The following GRM7 variants were observed in gnomAD, a reference collection of about 807,000 sequenced individuals.
GRM7 encodes glutamate metabotropic receptor 7.
GRM7 carries 35 observed loss-of-function variants against 84.5 expected under a neutral mutation model. The observed-to-expected ratio is 0.41, with a 90% CI of 0.32 to 0.55. GRM7 has a LOEUF of 0.55. GRM7 is among the 20% of genes least tolerant of loss of function. The pLI, the probability that GRM7 is intolerant of heterozygous loss-of-function variation, is 0.19. For synonymous variants in GRM7, 487 were observed against 455.1 expected, an observed-to-expected ratio of 1.07 and a Z score of -0.89; for missense variants, 1,003 against 1,194.6, an observed-to-expected ratio of 0.84 and a Z score of 2.36.
chr3:7,714,178 C>T (rs1701694207), intron 9 of GRM7, among the ~76,000 whole-genome samples: 1 of 152,056 alleles, frequency 6.6e-6, no homozygotes, highest in African/African-American at 2.4e-5. Context: ...TTGGAATTAA[C>T]CTGAAGGCTT....
intron 1 of GRM7, among the ~76,000 whole-genome samples, chr3:6,950,624 C>A (rs1212570013): frequency 6.6e-6 from 1 of 152,200 alleles, no homozygotes; most frequent in African/African-American, 2.4e-5. Context: ...TTATTGCTGT[C>A]TTTTGTTTGT....
At chr3:6,915,908 A>G (rs959615034) in intron 1 of GRM7, among the ~76,000 whole-genome samples, 1 of 152,208 alleles carries the variant, frequency 6.6e-6, no homozygotes, top group African/African-American at 2.4e-5. Context: ...CATGAGCTTC[A>G]GCCTATGTGG....
chr3:7,137,203 T>C (rs2125059030), intron 1 of GRM7, among the ~76,000 whole-genome samples: 5 of 152,256 alleles, frequency 3.3e-5, no homozygotes, highest in Middle Eastern at 6.8e-3. Flanking sequence ...ATTTTAACTA[T>C]TCTTGAAATT....
intron 6 of GRM7, among the ~76,000 whole-genome samples, chr3:7,456,351 T>A (rs920601996): frequency 6.6e-6 from 1 of 152,152 alleles, no homozygotes; most frequent in Non-Finnish European, 1.5e-5. Context: ...CTTATGTTTA[T>A]TAAGTGGTTA....
chr3:7,273,198 G>T (rs1224643128), intron 2 of GRM7, among the ~76,000 whole-genome samples: 1 of 150,850 alleles, frequency 6.6e-6, no homozygotes, highest in Non-Finnish European at 1.5e-5. Context: ...TTCTATTGTG[G>T]TCTAAATACA....
rs529064669 is a variant in GRM7 at position 7,687,839 on chromosome 3, T to A, written c.2698+7544T>A. Reference sequence around the variant, plus strand: ...AGTACTTCCAAAGAGTAATGACATTTTCTGTTGACTTTAGATGGATGCCAG... The same window carrying A: ...AGTACTTCCAAAGAGTAATGACATTATCTGTTGACTTTAGATGGATGCCAG... On this transcript the variant is annotated intron_variant, in intron 9 of 9. Coordinates refer to ENST00000357716, the MANE Select transcript of GRM7 (RefSeq NM_000844.4). 8.9e-4 allele frequency among the ~76,000 whole-genome samples: 135 copies of A among 152,288 alleles called. 1 individual carries two copies. In the South Asian group the frequency reaches 0.027, roughly 30 times the overall value.
chr3:6,892,069 G>C (rs891387041), intron 1 of GRM7, among the ~76,000 whole-genome samples: 1 of 152,034 alleles, frequency 6.6e-6, no homozygotes. Context: ...CTCGAGCCTT[G>C]GCTTTCAGCT....
chr3:7,585,813 A>G (rs941133790), intron 8 of GRM7, among the ~76,000 whole-genome samples: 9 of 152,130 alleles, frequency 5.9e-5, no homozygotes, highest in African/African-American at 2.2e-4. Context: ...TCATTTTCAG[A>G]AAGAATCTTT....
intron 9 of GRM7, among the ~76,000 whole-genome samples, chr3:7,723,302 C>T (rs1036397204): frequency 6.6e-6 from 1 of 152,164 alleles, no homozygotes; most frequent in African/African-American, 2.4e-5. Flanking sequence ...ATGGAAGGAA[C>T]TCCTGAGCTT....
intron 4 of GRM7, among the ~76,000 whole-genome samples, chr3:7,396,376 T>C (rs920261655): frequency 1.6e-4 from 24 of 152,192 alleles, no homozygotes; most frequent in African/African-American, 5.5e-4. Flanking sequence ...CTTCCTATTT[T>C]ATTTTTACTT....
chr3:6,929,748 A>T (rs1364356883), intron 1 of GRM7, among the ~76,000 whole-genome samples: 2 of 152,224 alleles, frequency 1.3e-5, no homozygotes, highest in African/African-American at 2.4e-5. Flanking sequence ...CTATCAGAAC[A>T]TTAAAAATTG....
chr3:7,658,518 C>T (rs1699298031), intron 8 of GRM7, among the ~76,000 whole-genome samples: 1 of 152,130 alleles, frequency 6.6e-6, no homozygotes, highest in Non-Finnish European at 1.5e-5. Flanking sequence ...AGCAAGAATT[C>T]CCAGGAGCAA....
chr3:7,238,576 A>G (rs901756458), intron 2 of GRM7, among the ~76,000 whole-genome samples: 12 of 151,892 alleles, frequency 7.9e-5, no homozygotes, highest in African/African-American at 1.2e-4. Context: ...CTGTGTCCTC[A>G]GGCTTAGCAT....
chr3:7,363,307 C>T (rs1693748978), intron 4 of GRM7, among the ~76,000 whole-genome samples: 1 of 151,916 alleles, frequency 6.6e-6, no homozygotes, highest in Non-Finnish European at 1.5e-5. Context: ...TCTGCATTAA[C>T]CACTGAAAAG....
intron 4 of GRM7, among the ~76,000 whole-genome samples, chr3:7,398,477 A>T (rs149602428): frequency 6.6e-6 from 1 of 152,260 alleles, no homozygotes; most frequent in East Asian, 1.9e-4. Flanking sequence ...CTGATAATGC[A>T]ATGGGCTATC....
intron 5 of GRM7, among the ~76,000 whole-genome samples, chr3:7,446,960 G>T (rs1697542099): frequency 1.3e-5 from 2 of 151,776 alleles, no homozygotes; most frequent in Admixed American, 6.6e-5. Flanking sequence ...GAGAGTGAAA[G>T]AATTTATGGG....
chr3:7,479,925 TTG>T (rs1699066487), intron 7 of GRM7, among the ~76,000 whole-genome samples: 1 of 152,278 alleles, frequency 6.6e-6, no homozygotes, highest in Non-Finnish European at 1.5e-5. Flanking sequence ...TGTTTTTACC[TTG>T]CTACTGTGGC....
intron 1 of GRM7, among the ~76,000 whole-genome samples, chr3:6,895,492 A>G (rs1696144745): frequency 6.6e-6 from 1 of 152,196 alleles, no homozygotes; most frequent in South Asian, 2.1e-4. Context: ...TTTACAACTC[A>G]AATTCTCTTA....
At chr3:6,939,375 A>AC (rs1559340041) in intron 1 of GRM7, among the ~76,000 whole-genome samples, 1 of 152,106 alleles carries the variant, frequency 6.6e-6, no homozygotes, top group African/African-American at 2.4e-5. Flanking sequence ...AACACCTCCT[A>AC]CCACCTCCAA....
Sources: gnomAD v4.1 joint callset for allele counts (sites outside exome capture counted in the v4.1 genomes callset) on GRCh38, gnomAD v4.1.1 for gene constraint, MANE v1.5 for transcripts, NCBI Gene and HGNC (gene_info 2026-07-23, HGNC 2026-07-21) for gene names.